The following CEP128 variants were observed in gnomAD, a reference collection of about 807,000 sequenced individuals.
CEP128 encodes the protein centrosomal protein 128kDa.
A neutral mutation model predicts 156.7 loss-of-function variants in CEP128; 132 were observed. The ratio of observed to expected loss-of-function variants is 0.84; its 90% CI spans 0.73 to 0.97. The LOEUF (loss-of-function observed/expected upper bound fraction) is 0.97. Among genes scored for constraint, CEP128 ranks in the 50% least tolerant of loss-of-function variants. The probability of loss-of-function intolerance (pLI) is 0.00; values close to 1 mark genes in which losing one functional copy is unlikely to be tolerated. For synonymous variants in CEP128, 469 were observed against 448.9 expected, an observed-to-expected ratio of 1.04 and a Z score of -0.57; for missense variants, 1,252 against 1,281.9, an observed-to-expected ratio of 0.98 and a Z score of 0.36.
At chr14:80,658,235 G>A (rs911588019) in intron 19 of CEP128, among the ~76,000 whole-genome samples, 12 of 152,324 alleles carry the variant, frequency 7.9e-5, no homozygotes, top group Admixed American at 7.2e-4. Flanking sequence ...AAGGATTATG[G>A]TAGGGGATAT....
chr14:80,703,381 T>C (rs1299850417), intron 19 of CEP128, among the ~76,000 whole-genome samples: 1 of 152,060 alleles, frequency 6.6e-6, no homozygotes, highest in East Asian at 1.9e-4. Context: ...TTAAGACTTT[T>C]AGCAAAATTT....
At chr14:80,553,083 C>CTTTCTT (rs1555374104) in intron 21 of CEP128, among the ~76,000 whole-genome samples, 1 of 149,100 alleles carries the variant, frequency 6.7e-6, no homozygotes, top group East Asian at 2.0e-4. Context: ...TTCTTTCTTT[C>CTTTCTT]TTTTTTTTAA....
chr14:80,793,004 T>A lies in CEP128; in HGVS notation c.1316A>T (p.His439Leu), dbSNP rs775862828. The change falls in exon 14 of 25, where the codon CAT (histidine) becomes CTT (leucine). Residue 439 changes from histidine to leucine, a missense_variant. By Grantham distance (99) the His-to-Leu change is moderately conservative. Coordinates refer to ENST00000555265, the MANE Select transcript of CEP128 (RefSeq NM_152446.5). ...HFDTCEAERK[H>L]ADLQISELTR... ...CAGCTCTGAGATCTGAAGGTCAGCATGCTTACGCTCGGCCTCACATGTGTC... is the reference window on the plus strand; with the variant it reads ...CAGCTCTGAGATCTGAAGGTCAGCAAGCTTACGCTCGGCCTCACATGTGTC... 5 of 1,614,206 alleles carry A rather than the reference T, an allele frequency of 3.1e-6. No homozygotes were observed. The highest frequency in any genetic ancestry group is 3.4e-6 in the Non-Finnish European group (4 of 1,180,034).
chr14:80,838,183 TA>T lies in CEP128; in HGVS notation c.924+20del. 6.5e-7 allele frequency: 1 copy of T among 1,548,442 alleles called. No homozygotes were observed. The highest frequency in any genetic ancestry group is 8.9e-7 in the Non-Finnish European group (1 of 1,122,224). On this transcript the variant is annotated intron_variant, in intron 11 of 24. Coordinates refer to ENST00000555265, the MANE Select transcript of CEP128 (RefSeq NM_152446.5). ...CCTGATTTAATGTAAAAGTATATTATAATAACTTGCATAGACTTACCTGATG... is the reference window on the plus strand; with the variant it reads ...CCTGATTTAATGTAAAAGTATATTATATAACTTGCATAGACTTACCTGATG...
intron 19 of CEP128, among the ~76,000 whole-genome samples, chr14:80,656,346 TA>T (rs56063705): frequency 7.0e-5 from 5 of 71,014 alleles, no homozygotes; most frequent in African/African-American, 1.4e-4. Context: ...TATATAGCAA[TA>T]AAAAAAAAAC....
chr14:80,534,686 G>A (rs928335727), intron 21 of CEP128, among the ~76,000 whole-genome samples: 20 of 151,940 alleles, frequency 1.3e-4, no homozygotes, highest in African/African-American at 1.7e-4. Context: ...TTAGCCGGGC[G>A]CGGTGGCGGG....
chr14:80,488,016 T>C (rs1887207987), downstream of CEP128, among the ~76,000 whole-genome samples: 2 of 148,948 alleles, frequency 1.3e-5, no homozygotes, highest in South Asian at 2.2e-4. Flanking sequence ...AGGCAAGAAA[T>C]AACTAAAATC....
At chr14:80,763,484 C>G (rs1900071465) in intron 16 of CEP128, among the ~76,000 whole-genome samples, 1 of 152,150 alleles carries the variant, frequency 6.6e-6, no homozygotes, top group African/African-American at 2.4e-5. Context: ...TACTAAGTCT[C>G]TAGGTGATAT....
intron 17 of CEP128, among the ~76,000 whole-genome samples, chr14:80,757,669 G>C (rs1197056504): frequency 6.6e-6 from 1 of 152,124 alleles, no homozygotes; most frequent in African/African-American, 2.4e-5. Context: ...TATTTTTGAA[G>C]ACCTCTTTCT....
chr14:80,481,110 T>A (rs938654635), intron 14 of CEP128, among the ~76,000 whole-genome samples: 4 of 152,194 alleles, frequency 2.6e-5, no homozygotes, highest in African/African-American at 9.6e-5. Context: ...CCCACTCTGC[T>A]GGTAACAATT....
intron 9 of CEP128, among the ~76,000 whole-genome samples, chr14:80,856,465 C>A (rs567938796): frequency 6.6e-6 from 1 of 152,014 alleles, no homozygotes; most frequent in South Asian, 2.1e-4. Flanking sequence ...GGCAACATGG[C>A]GAAACCTGTC....
At position 80,830,231 on chromosome 14, in the gene CEP128, TC is replaced by T. The variant is rs776670213; in HGVS notation, c.1209+911del. The T allele has an allele frequency of 1.8e-5, 12 of 656,820 alleles. No individual in the cohort carries two copies. The South Asian group carries it at 1.9e-4, about 10-fold the overall frequency. 40.7% of individuals were successfully genotyped at this position (656,820 alleles called of 1,614,324 possible). ...TAAAGAGTATGTCAATATTTCATTA[TC>T]TTTACAATCCAAATCTTGAACCAAA... On this transcript the variant is annotated intron_variant, in intron 13 of 24. Coordinates refer to ENST00000555265, the MANE Select transcript of CEP128 (RefSeq NM_152446.5).
intron 14 of CEP128, among the ~76,000 whole-genome samples, chr14:80,478,857 C>G (rs1886996459): frequency 6.6e-6 from 1 of 152,190 alleles, no homozygotes; most frequent in Admixed American, 6.5e-5. Context: ...TTAATGCAAT[C>G]TAACAGAATA....
intron 9 of CEP128, among the ~76,000 whole-genome samples, chr14:80,852,750 C>T (rs1192756140): frequency 6.6e-6 from 1 of 151,644 alleles, no homozygotes; most frequent in South Asian, 2.1e-4. Context: ...AATAGATAAT[C>T]CCTCTCTTAC....
chr14:80,840,808 G>A lies in CEP128; in HGVS notation c.763-40C>T, dbSNP rs559660120. ...GTGGAAAAAAATTATCCCAAAATAT[G>A]TACAAAACTGAAAGTCACTACTAGA... On this transcript the variant is annotated intron_variant, in intron 9 of 24. Coordinates refer to ENST00000555265, the MANE Select transcript of CEP128 (RefSeq NM_152446.5). 102 of 1,223,718 alleles carry A rather than the reference G, an allele frequency of 8.3e-5. No homozygotes were observed. The South Asian group carries it at 1.2e-3, about 14-fold the overall frequency. 75.8% of individuals were successfully genotyped at this position (1,223,718 alleles called of 1,614,324 possible).
intron 13 of CEP128, among the ~76,000 whole-genome samples, chr14:80,808,234 T>C (rs1884298060): frequency 6.6e-6 from 1 of 152,182 alleles, no homozygotes. Context: ...GCCAATACAG[T>C]AGCCAGATGT....
chr14:80,843,078 T>A (rs959910275), intron 9 of CEP128, among the ~76,000 whole-genome samples: 1 of 151,798 alleles, frequency 6.6e-6, no homozygotes, highest in African/African-American at 2.4e-5. Flanking sequence ...CAGAGAGTAG[T>A]AAAAAGGGGA....
In CEP128 at chr14:80,612,835, TTTTTTG is replaced by T. The variant is rs534260061; in HGVS notation, c.2807-32418_2807-32413del. ...AAAGATCTCAGAAACCAGAAAGTGT[TTTTTTG>T]TTTTTGTTTTTGTTTTTGTTTTTTT... On this transcript the variant is annotated intron_variant, in intron 19 of 24. Coordinates refer to ENST00000555265, the MANE Select transcript of CEP128 (RefSeq NM_152446.5). Among the ~76,000 whole-genome samples the T allele has an allele frequency of 2.8e-3, 422 of 152,006 alleles. 3 individuals are homozygous for T. Among genetic ancestry groups the T allele is most frequent in the Non-Finnish European group, 4.5e-3 (308 of 67,934 alleles).
At chr14:80,564,691 G>A (rs542153791) in intron 20 of CEP128, among the ~76,000 whole-genome samples, 7 of 152,248 alleles carry the variant, frequency 4.6e-5, no homozygotes, top group Middle Eastern at 3.4e-3. Flanking sequence ...ATTGATAACC[G>A]CCCTTTCCCA....
Sources: gnomAD v4.1 joint callset for allele counts (sites outside exome capture counted in the v4.1 genomes callset) on GRCh38, gnomAD v4.1.1 for gene constraint, MANE v1.5 for transcripts, NCBI Gene and HGNC (gene_info 2026-07-23, HGNC 2026-07-21) for gene names.